PLCE1: variants seen among roughly 807,000 people sequenced by gnomAD.
The protein encoded by PLCE1 is 1-phosphatidylinositol 4,5-bisphosphate phosphodiesterase epsilon-1.
Under a neutral mutation model 242.8 loss-of-function variants are expected in PLCE1, and 119 were observed. The observed-to-expected ratio is 0.49, with a 90% CI of 0.42 to 0.57. The LOEUF (loss-of-function observed/expected upper bound fraction) is 0.57. Among genes scored for constraint, PLCE1 ranks in the 20% least tolerant of loss-of-function variants. The probability of loss-of-function intolerance (pLI) is 0.00; values close to 1 mark genes in which losing one functional copy is unlikely to be tolerated. For synonymous variants in PLCE1, 945 were observed against 1,017.4 expected, an observed-to-expected ratio of 0.93 and a Z score of 1.35; for missense variants, 2,441 against 2,788.8, an observed-to-expected ratio of 0.88 and a Z score of 2.81.
chr10:94,218,911 C>G (rs1042060524), intron 4 of PLCE1, among the ~76,000 whole-genome samples: 23 of 134,412 alleles, frequency 1.7e-4, no homozygotes, highest in African/African-American at 5.8e-4. Flanking sequence ...TATAAAAAAT[C>G]TGACTATAAA....
intron 4 of PLCE1, among the ~76,000 whole-genome samples, chr10:94,219,540 G>A (rs755537059): frequency 2.6e-5 from 4 of 152,118 alleles, no homozygotes; most frequent in Non-Finnish European, 5.9e-5. Context: ...GACTCAAGAA[G>A]GGCTTTAGTT....
chr10:94,056,799 A>G (rs1004638112), intron 2 of PLCE1, among the ~76,000 whole-genome samples: 27 of 152,058 alleles, frequency 1.8e-4, no homozygotes, highest in African/African-American at 6.0e-4. Context: ...AGTCACCCCC[A>G]TCCTCTCCTT....
chr10:94,326,942 C>T (rs1321855942), intron 32 of PLCE1, among the ~76,000 whole-genome samples: 2 of 151,938 alleles, frequency 1.3e-5, no homozygotes, highest in African/African-American at 2.4e-5. Flanking sequence ...GGGCAGATCA[C>T]GAGGTCAAGA....
rs1327872044 is a variant in PLCE1, at chr10:94,018,277, A to G, written c.-364-12406A>G. ...AAGGAAGCAGCTCAGGGCCCTTCCC[A>G]CTTTTCTCTTCCCCCTCGTTGCCAG... On this transcript the variant is annotated intron_variant, in intron 1 of 32. Coordinates refer to ENST00000371380, the MANE Select transcript of PLCE1 (RefSeq NM_016341.4). Among the ~76,000 whole-genome samples, 4 of 152,166 alleles carry G rather than the reference A, an allele frequency of 2.6e-5. No homozygotes were observed. The East Asian group carries it at 7.7e-4, about 29-fold the overall frequency.
In PLCE1 at chr10:94,245,975, A is replaced by T. The variant is rs771042502; in HGVS notation, c.2450A>T (p.Asp817Val). ...ATAATTGGAGATTTGTTGGATTCAG[A>T]CAATGACATCTTTGAGCAATCCAAA... ...QFIIGDLLDS[D>V]NDIFEQSKEY... The change falls in exon 8 of 33, where the codon GAC becomes GTC. Residue 817 changes from aspartate (D) to valine (V), a missense_variant. Asp to Val is a radical substitution (Grantham distance 152). This residue lies in a region of PLCE1 where 733 missense variants were observed against 754.2 expected (regional missense o/e 0.97). Coordinates refer to ENST00000371380, the MANE Select transcript of PLCE1 (RefSeq NM_016341.4). 29 of 1,614,142 alleles carry T rather than the reference A, an allele frequency of 1.8e-5. No individual in the cohort carries two copies. The highest frequency in any genetic ancestry group is 2.1e-5 in the Non-Finnish European group (25 of 1,179,982).
Position 94,023,132 on chromosome 10 carries a change from G to A in PLCE1, c.-364-7551G>A, listed in dbSNP as rs2061402228. On this transcript the variant is annotated intron_variant, in intron 1 of 32. Coordinates refer to ENST00000371380, the MANE Select transcript of PLCE1 (RefSeq NM_016341.4). Reference sequence around the variant, plus strand: ...ATTAATGCGGACAGGTGGGTGTCAGGGAGGGCTGCAGAACAAAGATGGCAT... The same window carrying A: ...ATTAATGCGGACAGGTGGGTGTCAGAGAGGGCTGCAGAACAAAGATGGCAT... 2.6e-5 allele frequency among the ~76,000 whole-genome samples: 4 copies of A among 152,262 alleles called. No individual in the cohort carries two copies. In the South Asian group the frequency reaches 8.3e-4, roughly 32 times the overall value.
chr10:94,274,127 C>A (rs765174467), intron 19 of PLCE1, among the ~76,000 whole-genome samples: 1 of 151,984 alleles, frequency 6.6e-6, no homozygotes, highest in Admixed American at 6.5e-5. Flanking sequence ...GTGATCCCAG[C>A]GTATCACTAG....
At chr10:94,100,378 GT>G (rs1157504765) in intron 2 of PLCE1, 2 of 152,162 alleles carry the variant, frequency 1.3e-5, no homozygotes, top group African/African-American at 4.8e-5. Flanking sequence ...TAGTGAAAAT[GT>G]TCTCAAGGGT....
chr10:94,124,645 C>G (rs763108650), intron 2 of PLCE1, among the ~76,000 whole-genome samples: 2 of 152,100 alleles, frequency 1.3e-5, no homozygotes. Context: ...CCAGCATCTA[C>G]CATAGTCGAT....
intron 3 of PLCE1, among the ~76,000 whole-genome samples, chr10:94,155,011 T>C (rs567287311): frequency 9.1e-4 from 138 of 151,740 alleles, no homozygotes; most frequent in African/African-American, 3.3e-3. Flanking sequence ...TGTGGGGAAA[T>C]TGAAGCCCTA....
intron 29 of PLCE1, among the ~76,000 whole-genome samples, chr10:94,319,875 T>TTTTTTTTTTTTTTTG (rs2053725223): frequency 6.9e-6 from 1 of 143,932 alleles, no homozygotes; most frequent in African/African-American, 2.6e-5. Flanking sequence ...TTTTTTTTTT[T>TTTTTTTTTTTTTTTG]TTTTTTTTTT....
intron 7 of PLCE1, among the ~76,000 whole-genome samples, chr10:94,242,605 A>G (rs1218058605): frequency 6.6e-6 from 1 of 152,138 alleles, no homozygotes; most frequent in Non-Finnish European, 1.5e-5. Context: ...GCCACTGCGC[A>G]TGGCCCAGAT....
chr10:94,046,316 T>C (rs2134708286), intron 2 of PLCE1, among the ~76,000 whole-genome samples: 1 of 152,312 alleles, frequency 6.6e-6, no homozygotes, highest in African/African-American at 2.4e-5. Flanking sequence ...GTTCTTTTTC[T>C]TTTATTTGTG....
intron 7 of PLCE1, among the ~76,000 whole-genome samples, chr10:94,236,408 AT>A (rs1392585564): frequency 6.6e-6 from 1 of 152,074 alleles, no homozygotes; most frequent in African/African-American, 2.4e-5. Flanking sequence ...ATTTCTAAGA[AT>A]TCAACACATT....
At chr10:94,111,760 C>T (rs2045962964) in intron 2 of PLCE1, among the ~76,000 whole-genome samples, 1 of 152,178 alleles carries the variant, frequency 6.6e-6, no homozygotes, top group Admixed American at 6.5e-5. Context: ...ATGGGTAGTA[C>T]TCAGTTGCCT....
rs1348516267 is a variant in PLCE1 at position 94,258,802 on chromosome 10, C to T, written c.3557C>T (p.Ala1186Val). 8 of 1,614,028 alleles carry T rather than the reference C, an allele frequency of 5.0e-6. No homozygotes were observed. The highest frequency in any genetic ancestry group is 6.8e-6 in the Non-Finnish European group (8 of 1,179,958). The change falls in exon 12 of 33, where the codon GCT becomes GTT. Residue 1186 changes from alanine (A) to valine (V), a missense_variant and splice_region_variant. This residue lies in a region of PLCE1 where 1,004 missense variants were observed against 1,322.7 expected (regional missense o/e 0.76). Transcript: ENST00000371380. ...TGAAGGCCTTGTCTTTGTTGCAGTG[C>T]TTGGAGCAGTAGTAGCTGGCACGGG... ...LSSSNKSPSS[A>V]WSSSSWHGRI... is the part of the protein sequence containing the mutation.
chr10:94,079,160 G>C (rs556900164), intron 2 of PLCE1, among the ~76,000 whole-genome samples: 1 of 152,008 alleles, frequency 6.6e-6, no homozygotes, highest in Non-Finnish European at 1.5e-5. Flanking sequence ...TCTCTCAAGG[G>C]GCTACACTTG....
intron 1 of PLCE1, among the ~76,000 whole-genome samples, chr10:94,012,572 TG>T (rs917773833): frequency 3.3e-5 from 5 of 152,086 alleles, no homozygotes; most frequent in African/African-American, 1.2e-4. Context: ...AGTCTCACCC[TG>T]GACGGTGCAG....
At chr10:93,994,859 T>C (rs981760013) in intron 1 of PLCE1, among the ~76,000 whole-genome samples, 1 of 152,230 alleles carries the variant, frequency 6.6e-6, no homozygotes, top group Non-Finnish European at 1.5e-5. Context: ...TAACCAATTA[T>C]TCAGTGTAAG....
Sources: allele counts gnomAD v4.1 joint callset (sites outside exome capture counted in the v4.1 genomes callset), GRCh38; gene constraint gnomAD v4.1.1; regional missense constraint gnomAD v4.1.1; transcripts MANE v1.5; gene names NCBI Gene and HGNC (gene_info 2026-07-23, HGNC 2026-07-21).